The following APP variants were observed in gnomAD, a reference collection of about 807,000 sequenced individuals.
APP encodes amyloid beta precursor protein.
In APP, 31 loss-of-function variants were observed where a neutral mutation model predicts 101.4. The ratio of observed to expected loss-of-function variants is 0.31; its 90% confidence interval spans 0.23 to 0.41. The LOEUF is 0.41. APP is among the 10% of genes least tolerant of loss of function. The pLI, the probability that APP is intolerant of heterozygous loss-of-function variation, is 1.00. For synonymous variants in APP, 366 were observed against 364.4 expected, an observed-to-expected ratio of 1.00 and a Z score of -0.05; for missense variants, 839 against 1,003.7, an observed-to-expected ratio of 0.84 and a Z score of 2.22.
intron 5 of APP, 151 bp downstream of exon 5, chr21:26,050,849 T>C (rs2045807177): frequency 2.4e-6 from 2 of 847,316 alleles, no homozygotes; most frequent in Non-Finnish European, 3.7e-6. Flanking sequence ...GCCATAAAAA[T>C]TCATAGTTCA....
chr21:25,928,374 A>AAAC lies in APP; in HGVS notation c.1688-16413_1688-16412insGTT, dbSNP rs1359080995. On this transcript the variant is annotated intron_variant, in intron 13 of 17. Transcript: ENST00000346798. ...ACAAACAAACAAACAAACAAACAAA[A>AAAC]AAACCAAGTTTATATACTACAGAAA... Among the ~76,000 whole-genome samples the AAAC allele has an allele frequency of 8.0e-5, 8 of 99,786 alleles. No individual in the cohort carries two copies. The East Asian group carries it at 9.6e-4, about 12-fold the overall frequency. 65.5% of individuals were successfully genotyped at this position (99,786 alleles called of 152,430 possible). A position where few individuals can be genotyped will look rare whatever the true frequency, so the allele number is the denominator to read the frequency against.
chr21:26,102,332 G>A (rs184175402), intron 2 of APP, among the ~76,000 whole-genome samples: 1 of 151,858 alleles, frequency 6.6e-6, no homozygotes, highest in African/African-American at 2.4e-5. Flanking sequence ...CTCGTGATCT[G>A]CCCGCCTCGG....
Position 25,954,573 on chromosome 21 carries a change from A to C in APP, c.1687+17T>G. On this transcript the variant is annotated intron_variant, in intron 13 of 17. Coordinates refer to ENST00000346798, the MANE Select transcript of APP (RefSeq NM_000484.4). ...AATACATGTCCATGTGCAGCATCAA[A>C]AGAACAGCTTACTTACCAACTTCAT... 6.2e-7 allele frequency: 1 copy of C among 1,600,174 alleles called. No homozygotes were observed. The highest frequency in any genetic ancestry group is 8.6e-7 in the Non-Finnish European group (1 of 1,167,864).
intron 7 of APP, among the ~76,000 whole-genome samples, chr21:25,999,133 A>G (rs376639451): frequency 6.6e-6 from 1 of 152,132 alleles, no homozygotes; most frequent in East Asian, 1.9e-4. Flanking sequence ...TCTACCAAAA[A>G]TACAAAAAAT....
chr21:26,084,486 A>C (rs2061664779), intron 3 of APP, among the ~76,000 whole-genome samples: 1 of 151,726 alleles, frequency 6.6e-6, no homozygotes. Context: ...CGATCCGCCC[A>C]TCTCGGCCTC....
chr21:25,983,968 C>T (rs1035244205), intron 8 of APP, among the ~76,000 whole-genome samples: 1 of 152,204 alleles, frequency 6.6e-6, no homozygotes, highest in Admixed American at 6.5e-5. Flanking sequence ...AACTTAAGCA[C>T]TCCATGTTTC....
intron 3 of APP, among the ~76,000 whole-genome samples, chr21:26,081,788 C>G (rs558874504): frequency 2.0e-5 from 3 of 152,264 alleles, no homozygotes; most frequent in Admixed American, 2.0e-4. Flanking sequence ...CAGTTTTTCT[C>G]TAGGTATTTT....
At chr21:26,050,963 T>G in intron 5 of APP, 37 bp downstream of exon 5, 1 of 1,606,350 alleles carries the variant, frequency 6.2e-7, no homozygotes, top group East Asian at 2.2e-5. Flanking sequence ...ACAAGATGTT[T>G]CAGCATCTCT....
At chr21:25,895,540 T>G (rs543655265) in intron 16 of APP, among the ~76,000 whole-genome samples, 73 of 152,274 alleles carry the variant, frequency 4.8e-4, no homozygotes, top group African/African-American at 1.7e-3. Context: ...TATTGTGGTG[T>G]TCTGAAATTT....
chr21:25,889,512 C>G (rs139027547), intron 17 of APP, among the ~76,000 whole-genome samples: 1 of 152,134 alleles, frequency 6.6e-6, no homozygotes, highest in African/African-American at 2.4e-5. Flanking sequence ...ACGGACAGAC[C>G]GGCAACAAAG....
At chr21:26,124,144 T>C (rs2062634171) in intron 1 of APP, among the ~76,000 whole-genome samples, 1 of 152,088 alleles carries the variant, frequency 6.6e-6, no homozygotes, top group Non-Finnish European at 1.5e-5. Flanking sequence ...TGAAAAATAA[T>C]AACAGTAATA....
chr21:25,979,215 C>CTG (rs1353159998), intron 9 of APP, among the ~76,000 whole-genome samples: 3 of 152,176 alleles, frequency 2.0e-5, no homozygotes, highest in Non-Finnish European at 4.4e-5. Context: ...CCAAAATCCT[C>CTG]TGTATTTGTA....
intron 14 of APP, among the ~76,000 whole-genome samples, chr21:25,910,475 T>C (rs1176752116): frequency 1.3e-5 from 2 of 152,210 alleles, no homozygotes; most frequent in South Asian, 2.1e-4. Context: ...CATTTGCTGC[T>C]TTGATAAAGA....
At chr21:26,123,336 A>C (rs984478879) in intron 1 of APP, among the ~76,000 whole-genome samples, 3 of 152,234 alleles carry the variant, frequency 2.0e-5, no homozygotes, top group African/African-American at 7.2e-5. Context: ...TTCAGTGAGA[A>C]TATTAACTTG....
At chr21:26,167,513 A>G (rs1303287142) in intron 1 of APP, among the ~76,000 whole-genome samples, 1 of 152,228 alleles carries the variant, frequency 6.6e-6, no homozygotes, top group Non-Finnish European at 1.5e-5. Context: ...AATGCAAGTA[A>G]TAGCTATGCT....
intron 5 of APP, 83 bp from the exon 6 acceptor site, chr21:26,022,125 T>C (rs2044370211): frequency 6.6e-7 from 1 of 1,524,756 alleles, no homozygotes; most frequent in Admixed American, 1.7e-5. Flanking sequence ...ATATGGAATT[T>C]TGGCAATTTG....
intron 1 of APP, among the ~76,000 whole-genome samples, chr21:26,136,410 T>C (rs1253926651): frequency 1.3e-5 from 2 of 152,064 alleles, no homozygotes; most frequent in Admixed American, 1.3e-4. Flanking sequence ...TCAGGCTTTA[T>C]CTAGGGAGTG....
At chr21:26,145,363 G>A (rs1003411716) in intron 1 of APP, among the ~76,000 whole-genome samples, 1 of 152,200 alleles carries the variant, frequency 6.6e-6, no homozygotes, top group African/African-American at 2.4e-5. Flanking sequence ...TTCCACCTCA[G>A]ATCATCAGAC....
intron 1 of APP, among the ~76,000 whole-genome samples, chr21:26,115,194 T>C (rs2062408396): frequency 6.6e-6 from 1 of 152,242 alleles, no homozygotes; most frequent in African/African-American, 2.4e-5. Flanking sequence ...TCCTCAATAA[T>C]AGGGTAAGCT....
Sources: gnomAD v4.1 joint callset for allele counts (sites outside exome capture counted in the v4.1 genomes callset) on GRCh38, gnomAD v4.1.1 for gene constraint, MANE v1.5 for transcripts, NCBI Gene and HGNC (gene_info 2026-07-23, HGNC 2026-07-21) for gene names.